Variants in PSMA6 observed in about 807,000 individuals in gnomAD.
PSMA6 encodes proteasome 20S subunit alpha 6, also known as proteasome subunit alpha type-6.
For missense variants in PSMA6, 170 were observed against 294.8 expected (o/e 0.58, Z 3.10); for synonymous variants, 88 against 97.7 (o/e 0.90, Z 0.59).
At chr14:35,280,061 C>T (rs575072042) in intron 1 of PSMA6, among the ~76,000 whole-genome samples, 7 of 151,436 alleles carry the variant, frequency 4.6e-5, no homozygotes, top group Admixed American at 1.3e-4. Flanking sequence ...GGAGGCGGAG[C>T]TTGCAGTGAG....
At chr14:35,311,671 C>T (rs2051946893) in intron 4 of PSMA6, among the ~76,000 whole-genome samples, 1 of 152,122 alleles carries the variant, frequency 6.6e-6, no homozygotes, top group African/African-American at 2.4e-5. Flanking sequence ...GTTACCTGTT[C>T]TACTGAGTAG....
chr14:35,296,355 C>G (rs2051586699), intron 1 of PSMA6, among the ~76,000 whole-genome samples: 1 of 151,760 alleles, frequency 6.6e-6, no homozygotes, highest in African/African-American at 2.4e-5. Flanking sequence ...GTTTTTGAGA[C>G]AGTCTCACTT....
intron 1 of PSMA6, among the ~76,000 whole-genome samples, chr14:35,301,716 C>A (rs914471917): frequency 4.6e-5 from 7 of 152,258 alleles, no homozygotes; most frequent in Middle Eastern, 3.4e-3. Flanking sequence ...GGTGCATTCT[C>A]TGTTGAGAAG....
At chr14:35,305,852 A>T (rs1414054450) in intron 1 of PSMA6, among the ~76,000 whole-genome samples, 1 of 152,028 alleles carries the variant, frequency 6.6e-6, no homozygotes, top group East Asian at 1.9e-4. Context: ...TGTAATCCTA[A>T]GGTGGGAGGA....
chr14:35,310,067 C>G (rs969838510), intron 3 of PSMA6: 1 of 346,744 alleles, frequency 2.9e-6, no homozygotes, highest in Non-Finnish European at 5.6e-6. Flanking sequence ...CCAAGGAATT[C>G]AAGGCTGCAG....
chr14:35,289,503 TG>T (rs200191021), upstream of PSMA6, among the ~76,000 whole-genome samples: 1 of 151,042 alleles, frequency 6.6e-6, no homozygotes. Flanking sequence ...TGGCTTTTTT[TG>T]TTGTTGTTGT....
At chr14:35,285,121 G>C (rs959219859) in intron 1 of PSMA6, among the ~76,000 whole-genome samples, 5 of 152,128 alleles carry the variant, frequency 3.3e-5, no homozygotes, top group African/African-American at 9.7e-5. Context: ...CGAGGCAGGA[G>C]GATCACTTAA....
At chr14:35,279,421 C>T (rs949646181) in intron 1 of PSMA6, among the ~76,000 whole-genome samples, 7 of 152,190 alleles carry the variant, frequency 4.6e-5, no homozygotes, top group Non-Finnish European at 8.8e-5. Flanking sequence ...TTGCTGGACA[C>T]CATAAAATAG....
chr14:35,279,927 A>G (rs955695178), intron 1 of PSMA6, among the ~76,000 whole-genome samples: 8 of 150,400 alleles, frequency 5.3e-5, no homozygotes, highest in Non-Finnish European at 1.2e-4. Flanking sequence ...GATCGAGACC[A>G]TCCTGGCTAA....
At chr14:35,290,351 G>A (rs2051464187), upstream of PSMA6, among the ~76,000 whole-genome samples, 1 of 152,084 alleles carries the variant, frequency 6.6e-6, no homozygotes, top group South Asian at 2.1e-4. Flanking sequence ...GTCTTCAAAA[G>A]GTCAAGAGGA....
At chr14:35,313,462 C>T (rs1177825716) in intron 5 of PSMA6, 1 of 155,552 alleles carries the variant, frequency 6.4e-6, no homozygotes, top group Non-Finnish European at 1.4e-5. Flanking sequence ...GGGTGTAAGT[C>T]TGGAATTAAA....
upstream of PSMA6, chr14:35,292,355 G>C (rs529169407): frequency 9.8e-6 from 15 of 1,526,494 alleles, no homozygotes; most frequent in East Asian, 3.5e-4. Context: ...CGGCATGCAA[G>C]AGCGGAAGAA....
intron 1 of PSMA6, 47 bp from the exon 2 acceptor site, chr14:35,307,947 T>G: frequency 6.5e-7 from 1 of 1,550,262 alleles, no homozygotes; most frequent in East Asian, 2.3e-5. Context: ...ATTGCAAGAA[T>G]CTACAGTAAT....
At chr14:35,309,423 G>A (rs924458153) in intron 3 of PSMA6, among the ~76,000 whole-genome samples, 3 of 152,184 alleles carry the variant, frequency 2.0e-5, no homozygotes, top group African/African-American at 7.2e-5. Flanking sequence ...GCCAAGGTGA[G>A]AGGATTGTTT....
intron 1 of PSMA6, among the ~76,000 whole-genome samples, chr14:35,282,245 T>G (rs979939705): frequency 1.3e-5 from 2 of 152,160 alleles, no homozygotes; most frequent in Non-Finnish European, 2.9e-5. Context: ...AATTTAATTT[T>G]TTATTTTTTG....
intron 1 of PSMA6, among the ~76,000 whole-genome samples, chr14:35,284,850 G>A (rs1458532024): frequency 6.6e-6 from 1 of 152,162 alleles, no homozygotes; most frequent in Non-Finnish European, 1.5e-5. Context: ...TCTGTACTTG[G>A]TACTGTGGTA....
chr14:35,309,258 T>A (rs1379646878), intron 3 of PSMA6, among the ~76,000 whole-genome samples: 1 of 152,230 alleles, frequency 6.6e-6, no homozygotes, highest in Non-Finnish European at 1.5e-5. Context: ...TGATTTTATC[T>A]TATTTCAGCT....
chr14:35,312,679 C>T, intron 4 of PSMA6: 11 of 446,348 alleles, frequency 2.5e-5, no homozygotes, highest in Non-Finnish European at 3.5e-5. Context: ...GTGATAAATC[C>T]TTTTGTGAAA....
In PSMA6 at chr14:35,281,764, A is replaced by AT. The variant is rs569761414; in HGVS notation, c.19+3055dup. 2.0e-4 allele frequency among the ~76,000 whole-genome samples: 30 copies of AT among 152,028 alleles called. 1 individual carries two copies. In the East Asian group the frequency reaches 5.2e-3, roughly 26 times the overall value. ...TCTTCCCTAGGTTACTTAAAAAGAA[A>AT]TTTTTTTTTAAATTATAAAATAGAG... On this transcript the variant is annotated intron_variant, in intron 1 of 6. Transcript: ENST00000540871.
Sources: allele counts gnomAD v4.1 joint callset (sites outside exome capture counted in the v4.1 genomes callset), GRCh38; gene constraint gnomAD v4.1.1; transcripts MANE v1.5; gene names NCBI Gene and HGNC (gene_info 2026-07-23, HGNC 2026-07-21).